The following ASAP1 variants were observed in gnomAD, a reference collection of about 807,000 sequenced individuals.
The protein encoded by ASAP1 is arf-GAP with SH3 domain, ANK repeat and PH domain-containing protein 1.
In ASAP1, 43 loss-of-function variants were observed where a neutral mutation model predicts 145.2. That is an observed-to-expected ratio of 0.30 (90% CI 0.23 to 0.38). The LOEUF is 0.38. Ranked by LOEUF, ASAP1 falls within the 10% of genes least tolerant of loss-of-function variation. ASAP1 has a pLI of 1.00. For synonymous variants in ASAP1, 546 were observed against 515.5 expected (o/e 1.06, Z -0.80); for missense variants, 1,018 against 1,355.3 (o/e 0.75, Z 3.91).
intron 2 of ASAP1, among the ~76,000 whole-genome samples, chr8:130,381,590 G>A (rs757270642): frequency 2.6e-5 from 4 of 152,130 alleles, no homozygotes; most frequent in Admixed American, 6.5e-5. Flanking sequence ...ACAGGATGAC[G>A]CCTGGCTTGG....
Position 130,358,689 on chromosome 8 carries a change from C to CCCCAGCCCCGCCCCCCCGGTCCCT in ASAP1, c.60-570_60-547dup. Among the ~76,000 whole-genome samples, 1 of 143,174 alleles carries CCCCAGCCCCGCCCCCCCGGTCCCT rather than the reference C, an allele frequency of 7.0e-6. No homozygotes were observed. Among genetic ancestry groups the CCCCAGCCCCGCCCCCCCGGTCCCT allele is most frequent in the African/African-American group, 2.5e-5 (1 of 39,944 alleles). 93.9% of individuals were successfully genotyped at this position (143,174 alleles called of 152,430 possible). ...GAAGTGCTCTGCGCACGCGCGCCGC[C>CCCCAGCCCCGCCCCCCCGGTCCCT]CCCAGCCCCGCCCCCCCGGTCCCTC... is the stretch of plus-strand genomic sequence containing the variant. On this transcript the variant is annotated intron_variant, in intron 2 of 29. Transcript: ENST00000518721. This position sits in a 1 kb window ranked among gnomAD's most constrained non-coding sequence, Gnocchi z 4.1.
At chr8:130,138,226 T>A (rs1457548446) in intron 13 of ASAP1, among the ~76,000 whole-genome samples, 1 of 152,218 alleles carries the variant, frequency 6.6e-6, no homozygotes, top group Non-Finnish European at 1.5e-5. Context: ...TTTCTATTTA[T>A]CTTCCTGTGC....
intron 1 of ASAP1, among the ~76,000 whole-genome samples, chr8:130,418,774 G>A (rs935456019): frequency 1.3e-4 from 3 of 23,214 alleles, no homozygotes; most frequent in Non-Finnish European, 4.2e-4. Flanking sequence ...AAAAAAATAG[G>A]AGTTTTTTTT....
chr8:130,151,370 C>CAAAAAAAAAAA lies in ASAP1; in HGVS notation c.1080+1355_1080+1365dup, dbSNP rs58367856. On this transcript the variant is annotated intron_variant, in intron 13 of 29. Transcript: ENST00000518721. ...TGGGTGAAAGAGCGAGACTCAGTCTCAAAAAAAAAAAAAAAAAAAAAAAAA... is the reference window on the plus strand; with the variant it reads ...TGGGTGAAAGAGCGAGACTCAGTCTCAAAAAAAAAAAAAAAAAAAAAAAAAAAAAAAAAAAA... Among the ~76,000 whole-genome samples the CAAAAAAAAAAA allele has an allele frequency of 4.6e-4, 29 of 62,856 alleles. 1 individual carries two copies. Among genetic ancestry groups the CAAAAAAAAAAA allele is most frequent in the African/African-American group, 7.2e-4 (13 of 18,112 alleles). 41.2% of individuals were successfully genotyped at this position (62,856 alleles called of 152,430 possible). A position where few individuals can be genotyped will look rare whatever the true frequency, so the allele number is the denominator to read the frequency against.
intron 27 of ASAP1, among the ~76,000 whole-genome samples, chr8:130,066,621 TTTCA>T (rs201665012): frequency 9.5e-4 from 145 of 151,922 alleles, no homozygotes; most frequent in African/African-American, 3.1e-3. Context: ...TTTCTTTTTC[TTTCA>T]TTCATTCATT....
rs183969664 is a variant in ASAP1 at position 130,162,010 on chromosome 8, G to C, written c.910-2046C>G. 2.5e-3 allele frequency among the ~76,000 whole-genome samples: 375 copies of C among 152,224 alleles called. 1 individual carries two copies. Among genetic ancestry groups the C allele is most frequent in the African/African-American group, 8.7e-3 (360 of 41,546 alleles). On this transcript the variant is annotated intron_variant, in intron 11 of 29. Transcript: ENST00000518721. ...GGATGGGGTTTCACTGTGTTGCCCA[G>C]GCTGGTCTTGAACTCCTGGACACAA...
At chr8:130,404,445 T>C (rs1229806025) in intron 1 of ASAP1, among the ~76,000 whole-genome samples, 2 of 152,226 alleles carry the variant, frequency 1.3e-5, no homozygotes, top group African/African-American at 2.4e-5. Context: ...AGGATAAACA[T>C]ATGCTATCCT....
At chr8:130,416,627 G>A (rs953923831) in intron 1 of ASAP1, among the ~76,000 whole-genome samples, 1 of 152,134 alleles carries the variant, frequency 6.6e-6, no homozygotes, top group East Asian at 1.9e-4. Context: ...CCACCTTTCC[G>A]AACCCTATTT....
At chr8:130,320,643 TA>T (rs35548518) in intron 3 of ASAP1, among the ~76,000 whole-genome samples, 130,552 of 152,006 alleles carry the variant, frequency 0.86, 56,275 homozygotes, top group East Asian at 0.96. Flanking sequence ...GAGGAAGAGT[TA>T]AAAATGAAAA....
At chr8:130,385,579 G>A (rs968046189) in intron 2 of ASAP1, among the ~76,000 whole-genome samples, 1 of 152,204 alleles carries the variant, frequency 6.6e-6, no homozygotes, top group Non-Finnish European at 1.5e-5. Flanking sequence ...TCAGTTACCA[G>A]GTGGGTAGGA....
At chr8:130,176,582 G>A (rs1043879094) in intron 9 of ASAP1, among the ~76,000 whole-genome samples, 1 of 152,048 alleles carries the variant, frequency 6.6e-6, no homozygotes, top group African/African-American at 2.4e-5. Flanking sequence ...TTGCAATCTG[G>A]TAACAAAATC....
intron 3 of ASAP1, among the ~76,000 whole-genome samples, chr8:130,340,207 C>T (rs1037256684): frequency 6.6e-6 from 1 of 152,154 alleles, no homozygotes; most frequent in African/African-American, 2.4e-5. Flanking sequence ...TACCAAGGAT[C>T]CCACACATCT....
At chr8:130,086,600 T>C (rs1280916960) in intron 25 of ASAP1, among the ~76,000 whole-genome samples, 1 of 152,088 alleles carries the variant, frequency 6.6e-6, no homozygotes, top group Non-Finnish European at 1.5e-5. Context: ...ACTCAGGAGT[T>C]TGAGACCAGC....
At chr8:130,198,752 G>A (rs1216897986) in intron 5 of ASAP1, among the ~76,000 whole-genome samples, 1 of 152,136 alleles carries the variant, frequency 6.6e-6, no homozygotes, top group African/African-American at 2.4e-5. Context: ...ATTAATTAAG[G>A]TTTTTACTGA....
intron 2 of ASAP1, among the ~76,000 whole-genome samples, chr8:130,368,498 C>T (rs540132275): frequency 2.0e-5 from 3 of 152,218 alleles, no homozygotes; most frequent in Non-Finnish European, 4.4e-5. Context: ...GACTGTCAGT[C>T]ATGTCTCTAC....
At chr8:130,062,633 G>GCCAC (rs752032768) in intron 27 of ASAP1, among the ~76,000 whole-genome samples, 1 of 152,206 alleles carries the variant, frequency 6.6e-6, no homozygotes, top group Non-Finnish European at 1.5e-5. Flanking sequence ...AACTCTAAGT[G>GCCAC]CCAGGCATGG....
At chr8:130,253,248 G>A (rs115520997) in intron 3 of ASAP1, among the ~76,000 whole-genome samples, 1,670 of 152,218 alleles carry the variant, frequency 0.011, 26 homozygotes, top group African/African-American at 0.039. Context: ...AACTTAACCC[G>A]GCTGTGCCTC....
At chr8:130,122,001 A>G (rs1428643867) in intron 18 of ASAP1, among the ~76,000 whole-genome samples, 4 of 151,908 alleles carry the variant, frequency 2.6e-5, no homozygotes, top group Non-Finnish European at 4.4e-5. Context: ...CCTTCATGAC[A>G]TAGCTCAAAT....
intron 27 of ASAP1, among the ~76,000 whole-genome samples, chr8:130,073,406 C>A (rs117614048): frequency 0.027 from 3,790 of 139,804 alleles, 58 homozygotes; most frequent in Middle Eastern, 0.051. Context: ...AAAAAAAAAA[C>A]AAATACAAAT....
Sources: allele counts gnomAD v4.1 joint callset (sites outside exome capture counted in the v4.1 genomes callset), GRCh38; gene constraint gnomAD v4.1.1; non-coding constraint Gnocchi (gnomAD v3.1); transcripts MANE v1.5; gene names NCBI Gene and HGNC (gene_info 2026-07-23, HGNC 2026-07-21).